Variants in MMD observed in about 807,000 individuals in gnomAD.
MMD encodes monocyte to macrophage differentiation factor.
MMD carries 22 observed loss-of-function variants against 33.6 expected under a neutral mutation model. The ratio of observed to expected loss-of-function variants is 0.66; its 90% confidence interval spans 0.47 to 0.94. The LOEUF (loss-of-function observed/expected upper bound fraction) is 0.94, where lower values mean the gene tolerates loss of function less well. Ranked by LOEUF, MMD falls within the 40% of genes least tolerant of loss-of-function variation. The probability of loss-of-function intolerance (pLI) is 0.00; values close to 1 mark genes in which losing one functional copy is unlikely to be tolerated. For missense variants in MMD, 242 were observed against 309.8 expected, an observed-to-expected ratio of 0.78 and a Z score of 1.64; for synonymous variants, 97 against 103.2, an observed-to-expected ratio of 0.94 and a Z score of 0.36.
In MMD at chr17:55,421,727, C is replaced by T; in HGVS notation, c.-32G>A. The T allele has an allele frequency of 6.3e-7, 1 of 1,581,962 alleles. No homozygotes were observed. Among genetic ancestry groups the T allele is most frequent in the Non-Finnish European group, 8.6e-7 (1 of 1,165,354 alleles). ...TCTGCTCCTCCTCGGGGGCCAGGAG[C>T]TCCGTCTCGTCAGCACCGGCGGCCG... On this transcript the variant is annotated 5_prime_UTR_variant, in exon 1 of 7. Coordinates refer to ENST00000262065, the MANE Select transcript of MMD (RefSeq NM_012329.3).
At chr17:55,397,806 G>T (rs946009649) in intron 6 of MMD, among the ~76,000 whole-genome samples, 5 of 152,102 alleles carry the variant, frequency 3.3e-5, no homozygotes, top group African/African-American at 1.2e-4. Flanking sequence ...CCTCCAACGT[G>T]CTGGGATTAC....
intron 4 of MMD, among the ~76,000 whole-genome samples, chr17:55,406,969 T>G (rs1032126790): frequency 1.3e-5 from 2 of 151,934 alleles, no homozygotes; most frequent in African/African-American, 4.8e-5. Flanking sequence ...AGGCAGAGAT[T>G]GTAGTGAGCT....
At position 55,406,971 on chromosome 17, in the gene MMD, TAGTG is replaced by T. The variant is rs1276879978; in HGVS notation, c.344+771_344+774del. 2.6e-5 allele frequency among the ~76,000 whole-genome samples: 4 copies of T among 151,914 alleles called. No homozygotes were observed. The East Asian group carries it at 7.8e-4, about 30-fold the overall frequency. ...ACTTGAACCCAGGAGGCAGAGATTGTAGTGAGCTGAGATCACGCCACTGCATTCC... is the reference window on the plus strand; with the variant it reads ...ACTTGAACCCAGGAGGCAGAGATTGTAGCTGAGATCACGCCACTGCATTCC... On this transcript the variant is annotated intron_variant, in intron 4 of 6. Transcript: ENST00000262065.
At chr17:55,417,562 C>T (rs141895679) in intron 1 of MMD, among the ~76,000 whole-genome samples, 21 of 152,110 alleles carry the variant, frequency 1.4e-4, no homozygotes, top group African/African-American at 3.9e-4. Flanking sequence ...GGAGCTGAGG[C>T]GGGAGGTTGC....
At chr17:55,404,468 A>G in intron 4 of MMD, 1 of 985,388 alleles carries the variant, frequency 1.0e-6, no homozygotes, top group Non-Finnish European at 1.2e-6. Flanking sequence ...ATTAGGCAGA[A>G]TGAGGTCAAA....
intron 1 of MMD, among the ~76,000 whole-genome samples, chr17:55,416,912 A>G (rs1218544544): frequency 6.6e-6 from 1 of 152,096 alleles, no homozygotes; most frequent in Non-Finnish European, 1.5e-5. Flanking sequence ...AGTTAGGCAG[A>G]GTTTTTTTAC....
At chr17:55,415,464 TACCTTA>T (rs1001783040) in intron 1 of MMD, among the ~76,000 whole-genome samples, 33 of 152,288 alleles carry the variant, frequency 2.2e-4, no homozygotes, top group Middle Eastern at 6.8e-3. Context: ...AACTACTCAT[TACCTTA>T]TTCATACACA....
chr17:55,418,800 T>C (rs939435593), intron 1 of MMD, among the ~76,000 whole-genome samples: 15 of 152,244 alleles, frequency 9.9e-5, no homozygotes, highest in Admixed American at 6.5e-5. Flanking sequence ...ATACTGTAGA[T>C]TAAAATGCTT....
Position 55,399,063 on chromosome 17 carries a change from A to G in MMD, c.516+2406T>C, listed in dbSNP as rs7220913. 6.4e-4 allele frequency among the ~76,000 whole-genome samples: 97 copies of G among 152,276 alleles called. 1 individual carries two copies. Among genetic ancestry groups the G allele is most frequent in the African/African-American group, 2.3e-3 (97 of 41,554 alleles). On this transcript the variant is annotated intron_variant, in intron 6 of 6. Coordinates refer to ENST00000262065, the MANE Select transcript of MMD (RefSeq NM_012329.3). ...ATACCCTGCCCCACAAACTGCAGCC[A>G]TGTCAGTAACCTGAACTGTAATTTC...
intron 6 of MMD, among the ~76,000 whole-genome samples, chr17:55,395,265 TA>T (rs1291278502): frequency 6.6e-6 from 1 of 152,202 alleles, no homozygotes; most frequent in African/African-American, 2.4e-5. Context: ...TCTACAAGAT[TA>T]AAATGGCTTG....
intron 5 of MMD, among the ~76,000 whole-genome samples, chr17:55,402,952 C>T (rs1907403289): frequency 6.6e-6 from 1 of 152,170 alleles, no homozygotes; most frequent in African/African-American, 2.4e-5. Flanking sequence ...ATTCTGAGAG[C>T]CATTCTGCCA....
At chr17:55,405,354 A>G (rs1281537590) in intron 4 of MMD, among the ~76,000 whole-genome samples, 1 of 150,298 alleles carries the variant, frequency 6.7e-6, no homozygotes, top group Non-Finnish European at 1.5e-5. Flanking sequence ...CAGCCTGGGC[A>G]ACAAGAGCAA....
intron 3 of MMD, among the ~76,000 whole-genome samples, chr17:55,408,539 C>CTG (rs942751758): frequency 1.3e-5 from 2 of 152,156 alleles, no homozygotes; most frequent in African/African-American, 4.8e-5. Flanking sequence ...TTGCCCTTTA[C>CTG]TGAGGTAATT....
chr17:55,393,745 C>T lies in MMD; in HGVS notation c.*589G>A, dbSNP rs565406252. The stretch of plus-strand genomic sequence containing the variant: ...TATCAGAAGAGGTATAATGTTTGTT[C>T]GTTTGTGGAATGTTGACTGCTTGCT... On this transcript the variant is annotated 3_prime_UTR_variant, in exon 7 of 7. Coordinates refer to ENST00000262065, the MANE Select transcript of MMD (RefSeq NM_012329.3). 3.3e-5 allele frequency: 5 copies of T among 152,584 alleles called. No individual in the cohort carries two copies. The highest frequency in any genetic ancestry group is 6.5e-5 in the Admixed American group (1 of 15,278). 9.5% of individuals were successfully genotyped at this position (152,584 alleles called of 1,614,324 possible). A position where few individuals can be genotyped will look rare whatever the true frequency, so the allele number is the denominator to read the frequency against.
intron 6 of MMD, among the ~76,000 whole-genome samples, chr17:55,396,903 C>A (rs1907122150): frequency 6.6e-6 from 1 of 152,100 alleles, no homozygotes; most frequent in Admixed American, 6.5e-5. Flanking sequence ...GCGTGAGCCA[C>A]CGCGCCTGGC....
chr17:55,414,114 G>A (rs1162948238), intron 2 of MMD, 37 bp downstream of exon 2: 11 of 1,593,658 alleles, frequency 6.9e-6, no homozygotes, highest in East Asian at 4.5e-5. Flanking sequence ...CCAAAGCCCC[G>A]TGGAAAGGAT....
chr17:55,413,823 C>T (rs141038345), intron 2 of MMD, among the ~76,000 whole-genome samples: 30 of 152,218 alleles, frequency 2.0e-4, no homozygotes, highest in African/African-American at 7.0e-4. Flanking sequence ...CTTGAAAAGG[C>T]GATTCATTTC....
At position 55,411,160 on chromosome 17, in the gene MMD, T is replaced by C. The variant is rs1598433865; in HGVS notation, c.269+97A>G. ...CTACAAGGCAGAAAAATGTCTACTC[T>C]TTGCCCTACTTGACTAAAGCATGCC... is the stretch of plus-strand genomic sequence containing the variant. On this transcript the variant is annotated intron_variant, in intron 3 of 6. Coordinates refer to ENST00000262065, the MANE Select transcript of MMD (RefSeq NM_012329.3). 9 of 1,356,088 alleles carry C rather than the reference T, an allele frequency of 6.6e-6. No individual in the cohort carries two copies. The East Asian group carries it at 1.9e-4, about 28-fold the overall frequency. The allele number at this position is 1,356,088 out of a possible 1,614,324, so 84.0% of individuals were successfully genotyped here. A position where few individuals can be genotyped will look rare whatever the true frequency, so the allele number is the denominator to read the frequency against.
chr17:55,400,757 GTAA>G (rs987327499), intron 6 of MMD, among the ~76,000 whole-genome samples: 5 of 151,762 alleles, frequency 3.3e-5, no homozygotes, highest in African/African-American at 1.2e-4. Context: ...CCATGAAGTC[GTAA>G]TAATATATTT....
Sources: gnomAD v4.1 joint callset for allele counts (sites outside exome capture counted in the v4.1 genomes callset) on GRCh38, gnomAD v4.1.1 for gene constraint, MANE v1.5 for transcripts, NCBI Gene and HGNC (gene_info 2026-07-23, HGNC 2026-07-21) for gene names.